The following TDRD9 variants were observed in gnomAD, a reference collection of about 807,000 sequenced individuals.
The protein encoded by TDRD9 is tudor domain containing 9, also known as ATP-dependent RNA helicase TDRD9.
A neutral mutation model predicts 172.6 loss-of-function variants in TDRD9; 124 were observed. The observed-to-expected ratio is 0.72, with a 90% CI of 0.62 to 0.83. TDRD9 has a LOEUF of 0.83. Ranked by LOEUF, TDRD9 falls within the 40% of genes least tolerant of loss-of-function variation. The pLI is 0.00. For synonymous variants in TDRD9, 619 were observed against 617.1 expected (o/e 1.00, Z -0.05); for missense variants, 1,479 against 1,714.1 (o/e 0.86, Z 2.42).
intron 34 of TDRD9, among the ~76,000 whole-genome samples, chr14:104,047,172 A>T (rs953073799): frequency 2.0e-5 from 3 of 152,124 alleles, no homozygotes; most frequent in Non-Finnish European, 2.9e-5. Flanking sequence ...TTCTCTTAAT[A>T]CTGTTTTAGA....
intron 1 of TDRD9, 41 bp downstream of exon 1, chr14:103,928,765 G>C: frequency 1.3e-6 from 1 of 757,982 alleles, no homozygotes; most frequent in Non-Finnish European, 1.7e-6. Context: ...AGGGCGGCCG[G>C]GCGAGGCCTG....
At chr14:103,979,972 C>T (rs11625083) in intron 7 of TDRD9, among the ~76,000 whole-genome samples, 77,480 of 151,182 alleles carry the variant, frequency 0.51, 20,918 homozygotes, top group South Asian at 0.62. Context: ...AACTCCTTGG[C>T]TCAAGAGATT....
At chr14:103,941,552 G>C in intron 1 of TDRD9, 1 of 1,535,156 alleles carries the variant, frequency 6.5e-7, no homozygotes, top group East Asian at 2.4e-5. Flanking sequence ...GTTCATTTTC[G>C]ATTTCTTGTA....
At chr14:103,976,497 A>G (rs573378379) in intron 7 of TDRD9, among the ~76,000 whole-genome samples, 1 of 151,836 alleles carries the variant, frequency 6.6e-6, no homozygotes, top group African/African-American at 2.4e-5. Flanking sequence ...CCCTGACCTC[A>G]TGATCCGCCC....
chr14:103,930,762 T>TGA (rs2030334385), intron 1 of TDRD9, among the ~76,000 whole-genome samples: 1 of 152,204 alleles, frequency 6.6e-6, no homozygotes, highest in Non-Finnish European at 1.5e-5. Context: ...GGTCCATCAC[T>TGA]TACTCCTTAG....
At chr14:103,939,064 A>G (rs2031002384) in intron 1 of TDRD9, among the ~76,000 whole-genome samples, 1 of 152,090 alleles carries the variant, frequency 6.6e-6, no homozygotes. Flanking sequence ...TTCATCCTGA[A>G]CTGTCCATAG....
At chr14:103,942,487 C>T (rs565836418) in intron 1 of TDRD9, among the ~76,000 whole-genome samples, 5 of 152,274 alleles carry the variant, frequency 3.3e-5, no homozygotes, top group South Asian at 2.1e-4. Flanking sequence ...GAAGAATGGT[C>T]GTCTAAAGCA....
At chr14:103,982,381 A>G (rs911881738) in intron 7 of TDRD9, among the ~76,000 whole-genome samples, 2 of 152,166 alleles carry the variant, frequency 1.3e-5, no homozygotes, top group Non-Finnish European at 2.9e-5. Flanking sequence ...CTCAGACTGC[A>G]CCTGCCAGGG....
chr14:103,942,171 A>G (rs2031277071), intron 1 of TDRD9: 1 of 161,614 alleles, frequency 6.2e-6, no homozygotes, highest in African/African-American at 2.4e-5. Context: ...ACTGGGACGT[A>G]TCTTGCTCTC....
chr14:103,982,254 C>T (rs1436265058), intron 7 of TDRD9, among the ~76,000 whole-genome samples: 1 of 152,204 alleles, frequency 6.6e-6, no homozygotes, highest in East Asian at 1.9e-4. Flanking sequence ...TTGCGAACAC[C>T]CACCTTAGGT....
chr14:103,955,839 A>G, intron 2 of TDRD9, 69 bp downstream of exon 2: 2 of 1,319,960 alleles, frequency 1.5e-6, no homozygotes, highest in Non-Finnish European at 2.1e-6. Context: ...TATTAGGTTC[A>G]TAGTGCATGC....
intron 35 of TDRD9, among the ~76,000 whole-genome samples, chr14:104,050,165 G>T (rs537612719): frequency 6.6e-6 from 1 of 152,228 alleles, no homozygotes; most frequent in African/African-American, 2.4e-5. Context: ...CCAGTTTGTG[G>T]GTCCTTGTGA....
chr14:103,995,746 A>T lies in TDRD9; in HGVS notation c.1321-4A>T. The T allele has an allele frequency of 6.3e-7, 1 of 1,595,568 alleles. No individual in the cohort carries two copies. The highest frequency in any genetic ancestry group is 1.2e-5 in the South Asian group (1 of 86,922). ...TGTCAGCTTTTTTCTTTGATGTTTA[A>T]CAGATTATTCTGTCCACCAATATTG... On this transcript the variant is annotated splice_region_variant and splice_polypyrimidine_tract_variant and intron_variant, in intron 11 of 35. Transcript: ENST00000409874.
chr14:103,986,462 G>T, intron 8 of TDRD9, 142 bp downstream of exon 8: 3 of 625,864 alleles, frequency 4.8e-6, no homozygotes, highest in South Asian at 2.2e-5. Flanking sequence ...TTTAAAATCA[G>T]GTTAGTATTT....
chr14:103,986,620 G>A (rs922989420), intron 8 of TDRD9, among the ~76,000 whole-genome samples: 2 of 152,042 alleles, frequency 1.3e-5, no homozygotes, highest in African/African-American at 4.8e-5. Flanking sequence ...TTAATGCTGG[G>A]GTAAAACTTT....
intron 24 of TDRD9, among the ~76,000 whole-genome samples, chr14:104,024,192 A>G (rs958499075): frequency 6.6e-6 from 1 of 152,198 alleles, no homozygotes; most frequent in Non-Finnish European, 1.5e-5. Context: ...CAAGGTGCAC[A>G]TTTGAAAACA....
intron 34 of TDRD9, among the ~76,000 whole-genome samples, chr14:104,043,114 C>T (rs2035657843): frequency 6.6e-6 from 1 of 152,058 alleles, no homozygotes; most frequent in Admixed American, 6.5e-5. Context: ...AGCTCCAACT[C>T]CTTGGCACAC....
At chr14:104,020,188 T>C (rs2034911213) in intron 23 of TDRD9, among the ~76,000 whole-genome samples, 3 of 152,192 alleles carry the variant, frequency 2.0e-5, no homozygotes, top group Admixed American at 2.0e-4. Flanking sequence ...TGGAGACCTT[T>C]GAGTGGTCTG....
At position 103,946,604 on chromosome 14, in the gene TDRD9, A is replaced by G. The variant is rs79409808; in HGVS notation, c.216-9060A>G. 2.0e-3 allele frequency among the ~76,000 whole-genome samples: 299 copies of G among 152,384 alleles called. 2 individuals carry two copies. Among genetic ancestry groups the G allele is most frequent in the Non-Finnish European group, 3.7e-3 (249 of 68,042 alleles). ...GCATCCAAATTACAAAGGAAGAAGT[A>G]ACATTATCTCTGTTTGCAGATGATA... On this transcript the variant is annotated intron_variant, in intron 1 of 35. Transcript: ENST00000409874.
Sources: gnomAD v4.1 joint callset for allele counts (sites outside exome capture counted in the v4.1 genomes callset) on GRCh38, gnomAD v4.1.1 for gene constraint, MANE v1.5 for transcripts, NCBI Gene and HGNC (gene_info 2026-07-23, HGNC 2026-07-21) for gene names.